The following FBXO21 variants were observed in gnomAD, a reference collection of about 807,000 sequenced individuals.
FBXO21 encodes the protein F-box protein 21.
FBXO21 carries 32 observed loss-of-function variants against 76.6 expected under a neutral mutation model. That is an observed-to-expected ratio of 0.42 (90% CI 0.32 to 0.56). The LOEUF (loss-of-function observed/expected upper bound fraction) is 0.56. FBXO21 is among the 20% of genes least tolerant of loss of function. The pLI is 0.16. For synonymous variants in FBXO21, 328 were observed against 311.5 expected (o/e 1.05, Z -0.56); for missense variants, 586 against 797.3 (o/e 0.73, Z 3.19).
chr12:117,189,796 G>A (rs943476562), intron 1 of FBXO21, among the ~76,000 whole-genome samples: 4 of 152,120 alleles, frequency 2.6e-5, no homozygotes, highest in Non-Finnish European at 4.4e-5. Context: ...AGGTCACAGA[G>A]GGAGTGTGCA....
chr12:117,188,236 CA>C (rs1481604690), intron 2 of FBXO21, among the ~76,000 whole-genome samples: 9 of 152,108 alleles, frequency 5.9e-5, no homozygotes, highest in South Asian at 2.1e-4. Context: ...AAAAAGGGAT[CA>C]GGGGCAGATA....
intron 3 of FBXO21, among the ~76,000 whole-genome samples, chr12:117,181,147 G>A (rs10850795): frequency 0.2 from 30,290 of 151,908 alleles, 3,421 homozygotes; most frequent in East Asian, 0.43. Context: ...TTTTTGGGGC[G>A]GGGAGTGGTT....
Position 117,189,210 on chromosome 12 carries a change from C to T in FBXO21, c.375+17G>A, listed in dbSNP as rs764616674. ...ACCAGCAAGCCAAAGCTTAGAGCCA[C>T]ATCAACAGATCCTTACGTGCTCTGA... On this transcript the variant is annotated intron_variant, in intron 2 of 11. Transcript: ENST00000622495. 1.9e-6 allele frequency: 3 copies of T among 1,614,060 alleles called. No homozygotes were observed. In the African/African-American group the frequency reaches 4.0e-5, roughly 22 times the overall value.
At chr12:117,161,577 T>C (rs1452527950) in intron 9 of FBXO21, among the ~76,000 whole-genome samples, 2 of 152,202 alleles carry the variant, frequency 1.3e-5, no homozygotes, top group Non-Finnish European at 2.9e-5. Context: ...GCCAGGGCAC[T>C]GCTTCGGGCT....
At chr12:117,146,331 A>G in intron 11 of FBXO21, 54 bp from the exon 12 acceptor site, 1 of 1,466,078 alleles carries the variant, frequency 6.8e-7, no homozygotes, top group Non-Finnish European at 9.3e-7. Context: ...TTGCTGCCAC[A>G]CCTTTCATCC....
At chr12:117,169,454 A>G (rs1438288146) in intron 7 of FBXO21, among the ~76,000 whole-genome samples, 1 of 152,200 alleles carries the variant, frequency 6.6e-6, no homozygotes, top group East Asian at 1.9e-4. Flanking sequence ...GTACACCTGA[A>G]CTTAAAAGTT....
intron 9 of FBXO21, among the ~76,000 whole-genome samples, chr12:117,158,892 G>T (rs553005976): frequency 6.6e-6 from 1 of 152,216 alleles, no homozygotes; most frequent in African/African-American, 2.4e-5. Flanking sequence ...CAATTATTTC[G>T]CACCCATTAC....
chr12:117,158,045 G>A lies in FBXO21; in HGVS notation c.1345C>T (p.His449Tyr), dbSNP rs1955937016. 3 of 1,614,124 alleles carry A rather than the reference G, an allele frequency of 1.9e-6. No individual in the cohort carries two copies. Among genetic ancestry groups the A allele is most frequent in the South Asian group, 2.2e-5 (2 of 91,094 alleles). ...WPEKVLDILQ[H>Y]IQTLDPGQHG... ...TGCCCCGGGTCTAGGGTTTGGATGT[G>A]CTGGAGGATGTCAAGCACCTTCAAA... The change falls in exon 10 of 12, where the codon CAC becomes TAC. Residue 449 changes from histidine to tyrosine, a missense_variant. His to Tyr is a moderately conservative substitution (Grantham distance 83). Around this residue, in one of 6 missense-constraint regions of FBXO21, gnomAD observed 164 missense variants for 236.7 expected, o/e 0.69. Transcript: ENST00000622495.
rs1955781176 is a variant in FBXO21, at chr12:117,147,209, TCCAGCC to T, written c.1676-938_1676-933del. ...GTGAGCTGAGATTATGCCATTGCAC[TCCAGCC>T]TGGACAACAAGAGCAAAAGTCCATC... On this transcript the variant is annotated intron_variant, in intron 11 of 11. Coordinates refer to ENST00000622495, the MANE Select transcript of FBXO21 (RefSeq NM_015002.3). 2.1e-5 allele frequency among the ~76,000 whole-genome samples: 3 copies of T among 141,608 alleles called. No homozygotes were observed. The East Asian group carries it at 6.3e-4, about 30-fold the overall frequency. 92.9% of individuals were successfully genotyped at this position (141,608 alleles called of 152,430 possible). A position where few individuals can be genotyped will look rare whatever the true frequency, so the allele number is the denominator to read the frequency against.
Position 117,155,411 on chromosome 12 carries a change from C to T in FBXO21, c.1675+380G>A, listed in dbSNP as rs4767506. On this transcript the variant is annotated intron_variant, in intron 11 of 11. Transcript: ENST00000622495. The stretch of plus-strand genomic sequence containing the variant: ...TCCGGCGTCAGCCGGCAGCCACAGC[C>T]TTGGGAGGCCAGGGAGCACTAGGGG... The T allele has an allele frequency of 9.4e-4, 187 of 199,224 alleles. 1 individual carries two copies. Among genetic ancestry groups the T allele is most frequent in the African/African-American group, 4.0e-3 (172 of 43,440 alleles). The allele number at this position is 199,224 out of a possible 1,614,324, so 12.3% of individuals were successfully genotyped here.
At chr12:117,187,854 TATGA>T (rs1182452377) in intron 2 of FBXO21, among the ~76,000 whole-genome samples, 4 of 152,212 alleles carry the variant, frequency 2.6e-5, no homozygotes, top group Non-Finnish European at 5.9e-5. Flanking sequence ...AATTTGTGAT[TATGA>T]ATGCTTTTAG....
intron 3 of FBXO21, among the ~76,000 whole-genome samples, chr12:117,180,719 G>A (rs1309179546): frequency 2.0e-5 from 3 of 152,082 alleles, no homozygotes; most frequent in East Asian, 3.9e-4. Context: ...TCCGCCTCCC[G>A]GGTTCAACCT....
rs371034927 is a variant in FBXO21, at chr12:117,157,265, A to G, written c.1517+608T>C. ...ATAAAAGGAAATTTGGAACTTGGAT[A>G]GCCAGTAAATATATGAAAAGAACCT... On this transcript the variant is annotated intron_variant, in intron 10 of 11. Coordinates refer to ENST00000622495, the MANE Select transcript of FBXO21 (RefSeq NM_015002.3). Among the ~76,000 whole-genome samples the G allele has an allele frequency of 2.8e-4, 43 of 152,346 alleles. 1 individual carries two copies. In the South Asian group the frequency reaches 8.7e-3, roughly 31 times the overall value.
chr12:117,179,390 C>T (rs1956206769), intron 3 of FBXO21, among the ~76,000 whole-genome samples: 1 of 152,180 alleles, frequency 6.6e-6, no homozygotes, highest in African/African-American at 2.4e-5. Flanking sequence ...AATATACATC[C>T]CTAAACAGGC....
intron 3 of FBXO21, among the ~76,000 whole-genome samples, chr12:117,185,195 TACTG>T (rs1483790721): frequency 6.7e-6 from 1 of 148,770 alleles, no homozygotes; most frequent in Non-Finnish European, 1.5e-5. Flanking sequence ...GACTGCACAA[TACTG>T]ACTACTAGAT....
intron 3 of FBXO21, among the ~76,000 whole-genome samples, chr12:117,178,735 T>A (rs1956200341): frequency 6.6e-6 from 1 of 152,114 alleles, no homozygotes; most frequent in Non-Finnish European, 1.5e-5. Context: ...AGGTTTCAAC[T>A]CAAATGTCCC....
rs1455502128 is a variant in FBXO21 at position 117,172,608 on chromosome 12, C to T, written c.877-1G>A. 1 of 1,608,676 alleles carries T rather than the reference C, an allele frequency of 6.2e-7. No individual in the cohort carries two copies. The highest frequency in any genetic ancestry group is 1.3e-5 in the African/African-American group (1 of 74,766). ...GGATTCCTGTTCTGCGAATCAAAACCTAAAGCAGAAAAAATGCTTTTATTT... is the reference window on the plus strand; with the variant it reads ...GGATTCCTGTTCTGCGAATCAAAACTTAAAGCAGAAAAAATGCTTTTATTT... On this transcript the variant is annotated splice_acceptor_variant, in intron 6 of 11. Coordinates refer to ENST00000622495, the MANE Select transcript of FBXO21 (RefSeq NM_015002.3). LOFTEE classifies it high-confidence loss of function.
intron 3 of FBXO21, among the ~76,000 whole-genome samples, chr12:117,178,759 C>T (rs1460636404): frequency 6.6e-6 from 1 of 152,018 alleles, no homozygotes; most frequent in Non-Finnish European, 1.5e-5. Flanking sequence ...GAGTAAGGCC[C>T]CCTACATTAT....
intron 9 of FBXO21, among the ~76,000 whole-genome samples, chr12:117,161,544 C>G (rs6490117): frequency 0.53 from 81,037 of 151,950 alleles, 22,254 homozygotes; most frequent in African/African-American, 0.65. Flanking sequence ...GCTCAGAGTC[C>G]AGAGAGGGAG....
Sources: allele counts gnomAD v4.1 joint callset (sites outside exome capture counted in the v4.1 genomes callset), GRCh38; gene constraint gnomAD v4.1.1; regional missense constraint gnomAD v4.1.1; transcripts MANE v1.5; gene names NCBI Gene and HGNC (gene_info 2026-07-23, HGNC 2026-07-21).